Variants in ZSCAN12 observed in about 807,000 individuals in gnomAD.
ZSCAN12 encodes zinc finger and SCAN domain containing 12, also known as zinc finger and SCAN domain-containing protein 12.
ZSCAN12 carries 18 observed loss-of-function variants against 23.4 expected under a neutral mutation model. The ratio of observed to expected loss-of-function variants is 0.77; its 90% confidence interval spans 0.53 to 1.14. ZSCAN12 has a LOEUF of 1.14. ZSCAN12 is among the 50% of genes most tolerant of loss of function. ZSCAN12 has a pLI of 0.00. For missense variants in ZSCAN12, 650 were observed against 735.0 expected, an observed-to-expected ratio of 0.88 and a Z score of 1.34; for synonymous variants, 186 against 253.4, an observed-to-expected ratio of 0.73 and a Z score of 2.53.
At chr6:28,384,570 T>C (rs1305861028), downstream of ZSCAN12, among the ~76,000 whole-genome samples, 1 of 152,112 alleles carries the variant, frequency 6.6e-6, no homozygotes, top group Non-Finnish European at 1.5e-5. Context: ...AGAGATGAAA[T>C]CAAGGGAAAA....
At chr6:28,394,673 T>C (rs2113991404) in intron 2 of ZSCAN12, among the ~76,000 whole-genome samples, 1 of 152,284 alleles carries the variant, frequency 6.6e-6, no homozygotes, top group African/African-American at 2.4e-5. Context: ...ATTCAGCACA[T>C]TTAAAACCAA....
chr6:28,382,513 T>C (rs2113957135), downstream of ZSCAN12: 1 of 1,552,010 alleles, frequency 6.4e-7, no homozygotes, highest in Non-Finnish European at 8.7e-7. Flanking sequence ...TGAAACAAGA[T>C]TGCCATTCTG....
downstream of ZSCAN12, chr6:28,381,776 G>A (rs1463939726): frequency 6.6e-6 from 1 of 152,104 alleles, no homozygotes; most frequent in African/African-American, 2.4e-5. Context: ...TCATTCCAAG[G>A]TACTATCTTT....
rs1423388644 is a variant in ZSCAN12 at position 28,388,065 on chromosome 6, G to C, written c.*2389C>G. Among the ~76,000 whole-genome samples the C allele has an allele frequency of 6.6e-6, 1 of 152,186 alleles. No individual in the cohort carries two copies. ...ACAAGTTTGCATTCTCATTATGTGAGAAATGGGAGGCAGGGTAAACTTAGG... is the reference window on the plus strand; with the variant it reads ...ACAAGTTTGCATTCTCATTATGTGACAAATGGGAGGCAGGGTAAACTTAGG... On this transcript the variant is annotated 3_prime_UTR_variant, in exon 4 of 4. Coordinates refer to ENST00000684592, the MANE Select transcript of ZSCAN12 (RefSeq NM_001163391.2).
chr6:28,393,071 C>T, intron 2 of ZSCAN12, 25 bp from the exon 3 acceptor site: 2 of 1,549,294 alleles, frequency 1.3e-6, no homozygotes, highest in South Asian at 2.4e-5. Flanking sequence ...ATGTAGCTGA[C>T]AGACTCACTC....
Position 28,395,662 on chromosome 6 carries a change from A to G in ZSCAN12, c.402+2342T>C, listed in dbSNP as rs543704060. Among the ~76,000 whole-genome samples, 13 of 152,362 alleles carry G rather than the reference A, an allele frequency of 8.5e-5. No individual in the cohort carries two copies. The South Asian group carries it at 2.5e-3, about 29-fold the overall frequency. On this transcript the variant is annotated intron_variant, in intron 2 of 3. Transcript: ENST00000684592. ...TCTCGCTTCTGTTCAAAATTCTCCA[A>G]TGACTTTCCATCTCAGAATACAATT...
At chr6:28,393,459 T>G (rs1760958753) in intron 2 of ZSCAN12, among the ~76,000 whole-genome samples, 1 of 137,632 alleles carries the variant, frequency 7.3e-6, no homozygotes, top group South Asian at 2.3e-4. Flanking sequence ...AGGTAAATAA[T>G]GTAGAGAAAT....
intron 2 of ZSCAN12, among the ~76,000 whole-genome samples, chr6:28,397,204 C>CA (rs1317103623): frequency 6.6e-6 from 1 of 152,020 alleles, no homozygotes; most frequent in African/African-American, 2.4e-5. Flanking sequence ...AGCACCTCCC[C>CA]AAGTTATAAC....
chr6:28,393,879 C>T (rs750551344), intron 2 of ZSCAN12, among the ~76,000 whole-genome samples: 40 of 152,168 alleles, frequency 2.6e-4, no homozygotes, highest in Non-Finnish European at 5.1e-4. Context: ...TCCCACTTCT[C>T]TCTGGGAAGA....
downstream of ZSCAN12, chr6:28,382,468 T>C: frequency 1.3e-6 from 2 of 1,547,860 alleles, no homozygotes; most frequent in Non-Finnish European, 1.7e-6. Flanking sequence ...CACAGCCTTC[T>C]TCCTTTACCA....
At position 28,392,930 on chromosome 6, in the gene ZSCAN12, A is replaced by C. The variant is rs780568896; in HGVS notation, c.519T>G (p.Ser173=). Residue 173 remains serine (S), a synonymous_variant, in exon 3 of 4, where the codon TCT becomes TCG. Transcript: ENST00000684592. ...GCTCCTGTTGGGATTCAAGTTCTGG[A>C]GATTCATACTTTGGCTGGGCTTTCA... ...QSMKAQPKYE[S]PELESQQEQV... is the part of the protein sequence containing the mutation. 3 of 1,551,894 alleles carry C rather than the reference A, an allele frequency of 1.9e-6. No individual in the cohort carries two copies. Among genetic ancestry groups the C allele is most frequent in the Non-Finnish European group, 2.6e-6 (3 of 1,146,998 alleles).
downstream of ZSCAN12, chr6:28,382,534 G>A: frequency 6.4e-7 from 1 of 1,551,952 alleles, no homozygotes. Flanking sequence ...GAATGAGAGA[G>A]CTCAGGAGAA....
chr6:28,393,326 G>A (rs566996914), intron 2 of ZSCAN12, among the ~76,000 whole-genome samples: 31 of 152,000 alleles, frequency 2.0e-4, no homozygotes, highest in Admixed American at 7.2e-4. Context: ...AAAGGAAAGG[G>A]AGAAAGACAA....
At chr6:28,383,071 A>C (rs1277789046), downstream of ZSCAN12, among the ~76,000 whole-genome samples, 2 of 152,198 alleles carry the variant, frequency 1.3e-5, no homozygotes, top group Non-Finnish European at 2.9e-5. Context: ...CAGAGGAATA[A>C]AACTGAGGCA....
In ZSCAN12 at chr6:28,398,169, G is replaced by C. The variant is rs758522098; in HGVS notation, c.237C>G (p.Thr79=). 1.9e-6 allele frequency: 3 copies of C among 1,613,986 alleles called. No homozygotes were observed. The highest frequency in any genetic ancestry group is 2.2e-5 in the South Asian group (2 of 91,060). The part of the protein sequence containing the change: ...ELCHQWLRPE[T]HTKEQILELL... Reference sequence around the variant, plus strand: ...GCTCCAGAATCTGTTCTTTGGTGTGGGTCTCTGGCCTCAGCCACTGATGGC... The same window carrying C: ...GCTCCAGAATCTGTTCTTTGGTGTGCGTCTCTGGCCTCAGCCACTGATGGC... Residue 79 remains threonine (T), a synonymous_variant, in exon 2 of 4, where the codon ACC becomes ACG. Transcript: ENST00000684592.
chr6:28,379,878 G>A (rs920744128), downstream of ZSCAN12: 3 of 152,040 alleles, frequency 2.0e-5, no homozygotes, highest in African/African-American at 7.2e-5. Context: ...TATACTTGCT[G>A]AATGAATTAA....
rs1400326728 is a variant in ZSCAN12 at position 28,387,394 on chromosome 6, GA to G, written c.*3059del. 6.6e-6 allele frequency among the ~76,000 whole-genome samples: 1 copy of G among 152,164 alleles called. No individual in the cohort carries two copies. The highest frequency in any genetic ancestry group is 6.5e-5 in the Admixed American group (1 of 15,270). On this transcript the variant is annotated 3_prime_UTR_variant, in exon 4 of 4. Coordinates refer to ENST00000684592, the MANE Select transcript of ZSCAN12 (RefSeq NM_001163391.2). ...TCCAGCGAGCAGTCAGATTAAAAGA[GA>G]GGCTCTGAAGTTACTATGAACAGTA...
downstream of ZSCAN12, among the ~76,000 whole-genome samples, chr6:28,383,263 C>A (rs1363698018): frequency 6.6e-6 from 1 of 152,202 alleles, no homozygotes; most frequent in Non-Finnish European, 1.5e-5. Context: ...TTTCCTGATA[C>A]CTCAAAACTT....
chr6:28,391,598 T>C lies in ZSCAN12; in HGVS notation c.692A>G (p.Glu231Gly), dbSNP rs1262860336. 2 of 1,552,178 alleles carry C rather than the reference T, an allele frequency of 1.3e-6. No individual in the cohort carries two copies. Among genetic ancestry groups the C allele is most frequent in the Non-Finnish European group, 1.7e-6 (2 of 1,147,098 alleles). Residue 231 changes from glutamate to glycine, a missense_variant, in exon 4 of 4, where the codon GAA becomes GGA. By Grantham distance (98) the Glu-to-Gly change is moderately conservative (BLOSUM62 -2). Transcript: ENST00000684592. The surrounding 1 kb of genome is among the most constrained non-coding windows in gnomAD (Gnocchi z 4.1). ...ARCGETREPEEITEEPSACSR... is the reference protein window; with the variant it reads ...ARCGETREPEGITEEPSACSR... ...GCAAGCAGAGGGCTCTTCTGTTATT[T>C]CTTCAGGTTCACGAGTTTCTCCACA... is the stretch of plus-strand genomic sequence containing the variant.
Sources: gnomAD v4.1 joint callset for allele counts (sites outside exome capture counted in the v4.1 genomes callset) on GRCh38, gnomAD v4.1.1 for gene constraint, Gnocchi (gnomAD v3.1) non-coding constraint, MANE v1.5 for transcripts, NCBI Gene and HGNC (gene_info 2026-07-23, HGNC 2026-07-21) for gene names.